The following SASH1 variants were observed in gnomAD, a reference collection of about 807,000 sequenced individuals.
The protein encoded by SASH1 is SAM and SH3 domain containing 1.
Under a neutral mutation model 125.2 loss-of-function variants are expected in SASH1, and 44 were observed. The observed-to-expected ratio is 0.35, with a 90% CI of 0.28 to 0.45. SASH1 has a LOEUF of 0.45. Ranked by LOEUF, SASH1 falls within the 20% of genes least tolerant of loss-of-function variation. The pLI, the probability that SASH1 is intolerant of heterozygous loss-of-function variation, is 1.00. For synonymous variants in SASH1, 639 were observed against 649.1 expected, an observed-to-expected ratio of 0.98 and a Z score of 0.24; for missense variants, 1,426 against 1,614.5, an observed-to-expected ratio of 0.88 and a Z score of 2.00.
At chr6:148,512,569 GA>G in intron 8 of SASH1, 2 of 985,278 alleles carry the variant, frequency 2.0e-6, no homozygotes, top group South Asian at 4.7e-5. Context: ...CAACCAAGTA[GA>G]AATGAAACTC....
intron 8 of SASH1, among the ~76,000 whole-genome samples, chr6:148,490,296 C>T (rs1054172812): frequency 3.9e-5 from 6 of 151,974 alleles, no homozygotes; most frequent in Middle Eastern, 3.2e-3. Flanking sequence ...GCAACCTCCA[C>T]CTCCCAGGTT....
chr6:148,244,930 G>A, the SASH1 span, among the ~76,000 whole-genome samples: 1,691 of 104,188 alleles, frequency 0.016, 4 homozygotes, highest in Non-Finnish European at 0.021. Context: ...GTGTGTGTGT[G>A]TATGTGTGTG....
chr6:148,515,486 C>T (rs1780385077), intron 9 of SASH1, among the ~76,000 whole-genome samples: 1 of 151,994 alleles, frequency 6.6e-6, no homozygotes, highest in African/African-American at 2.4e-5. Context: ...GGGTTTAAAT[C>T]CCTTAGAATA....
intron 1 of SASH1, among the ~76,000 whole-genome samples, chr6:148,297,795 C>T (rs1050193289): frequency 2.6e-5 from 4 of 151,136 alleles, no homozygotes; most frequent in South Asian, 2.1e-4. Flanking sequence ...GTGCCACTGC[C>T]CTCCAGCCTG....
intron 1 of SASH1, among the ~76,000 whole-genome samples, chr6:148,379,211 T>A (rs1223815153): frequency 6.6e-6 from 1 of 152,154 alleles, no homozygotes; most frequent in Non-Finnish European, 1.5e-5. Flanking sequence ...CAAACCTGGG[T>A]TTCTTCCTGT....
chr6:148,443,631 A>G (rs1441619585), intron 4 of SASH1, among the ~76,000 whole-genome samples: 1 of 151,518 alleles, frequency 6.6e-6, no homozygotes, highest in East Asian at 1.9e-4. Flanking sequence ...TGTTACTGTG[A>G]TGGTTGCAGA....
At chr6:148,421,146 GA>G (rs1303486608) in intron 2 of SASH1, among the ~76,000 whole-genome samples, 1 of 71,244 alleles carries the variant, frequency 1.4e-5, no homozygotes, top group African/African-American at 4.9e-5. Context: ...AGGAAGGAAG[GA>G]AGAAAGAAAG....
chr6:148,431,542 A>G (rs909980), intron 2 of SASH1, among the ~76,000 whole-genome samples: 44,662 of 151,932 alleles, frequency 0.29, 6,699 homozygotes, highest in East Asian at 0.39. Context: ...CACATGTTCC[A>G]TGAATTGACT....
At chr6:148,507,794 A>C (rs563819110) in intron 8 of SASH1, among the ~76,000 whole-genome samples, 10 of 152,296 alleles carry the variant, frequency 6.6e-5, no homozygotes, top group Non-Finnish European at 1.3e-4. Context: ...TATAAAGAGC[A>C]TTATACATGA....
the SASH1 span, among the ~76,000 whole-genome samples, chr6:148,230,078 C>T: frequency 6.6e-6 from 1 of 152,108 alleles, no homozygotes; most frequent in Non-Finnish European, 1.5e-5. Context: ...CACCCCTAAC[C>T]CAGCCCCTAA....
intron 1 of SASH1, among the ~76,000 whole-genome samples, chr6:148,372,707 GTTCA>G (rs34864667): frequency 0.7 from 105,743 of 150,946 alleles, 37,314 homozygotes; most frequent in South Asian, 0.83. Flanking sequence ...CCATTTGTTC[GTTCA>G]TTCATTCATT....
At chr6:148,273,450 T>C (rs1480385159) in intron 1 of SASH1, among the ~76,000 whole-genome samples, 3 of 151,576 alleles carry the variant, frequency 2.0e-5, no homozygotes, top group Non-Finnish European at 2.9e-5. Context: ...CCTACCCCCA[T>C]GCCCGGCTAA....
chr6:148,353,947 G>A (rs1024156954), intron 1 of SASH1, among the ~76,000 whole-genome samples: 1 of 152,126 alleles, frequency 6.6e-6, no homozygotes, highest in Non-Finnish European at 1.5e-5. Flanking sequence ...AGACAGGAGA[G>A]TTGCTTGAGG....
At chr6:148,395,454 G>A (rs879290766) in intron 2 of SASH1, among the ~76,000 whole-genome samples, 3 of 152,114 alleles carry the variant, frequency 2.0e-5, no homozygotes, top group Admixed American at 6.5e-5. Context: ...TTAATCACCC[G>A]GATCCTGACT....
chr6:148,380,693 T>C (rs553780428), intron 1 of SASH1, among the ~76,000 whole-genome samples: 29 of 152,366 alleles, frequency 1.9e-4, no homozygotes, highest in East Asian at 1.5e-3. Context: ...TCCCATTCTT[T>C]TCTCCACATT....
intron 1 of SASH1, chr6:148,280,299 A>T (rs190978093): frequency 6.6e-6 from 1 of 151,716 alleles, no homozygotes; most frequent in East Asian, 2.0e-4. Flanking sequence ...AGTCAGACTG[A>T]TGCTCACTGC....
chr6:148,230,602 G>A, the SASH1 span, among the ~76,000 whole-genome samples: 2 of 152,060 alleles, frequency 1.3e-5, no homozygotes, highest in Non-Finnish European at 2.9e-5. Flanking sequence ...GCACCCTTGC[G>A]GCACCCTTTT....
At chr6:148,216,110 C>T in the SASH1 span, among the ~76,000 whole-genome samples, 1 of 152,126 alleles carries the variant, frequency 6.6e-6, no homozygotes, top group South Asian at 2.1e-4. Context: ...CTGCCCGCCT[C>T]GGCCTCCCAA....
At chr6:148,280,823 A>G (rs35251286) in intron 1 of SASH1, among the ~76,000 whole-genome samples, 31,573 of 152,166 alleles carry the variant, frequency 0.21, 3,574 homozygotes, top group South Asian at 0.29. Flanking sequence ...AACAACAACA[A>G]AAGAGACAGA....
Sources: gnomAD v4.1 joint callset for allele counts (sites outside exome capture counted in the v4.1 genomes callset) on GRCh38, gnomAD v4.1.1 for gene constraint, MANE v1.5 for transcripts, NCBI Gene and HGNC (gene_info 2026-07-23, HGNC 2026-07-21) for gene names.